USH1C: variants seen among roughly 807,000 people sequenced by gnomAD.
USH1C encodes the protein harmonin.
A neutral mutation model predicts 119.3 loss-of-function variants in USH1C; 90 were observed. That is an observed-to-expected ratio of 0.75 (90% CI 0.64 to 0.90). The LOEUF (loss-of-function observed/expected upper bound fraction) is 0.90. Among genes scored for constraint, USH1C ranks in the 40% least tolerant of loss-of-function variants. The pLI, the probability that USH1C is intolerant of heterozygous loss-of-function variation, is 0.00. For missense variants in USH1C, 1,165 were observed against 1,167.7 expected (o/e 1.00, Z 0.03); for synonymous variants, 465 against 443.3 (o/e 1.05, Z -0.62).
At position 17,531,221 on chromosome 11, in the gene USH1C, T is replaced by G. The variant is rs765184158; in HGVS notation, c.320A>C (p.Glu107Ala). 1.2e-6 allele frequency: 2 copies of G among 1,614,044 alleles called. No homozygotes were observed. Among genetic ancestry groups the G allele is most frequent in the African/African-American group, 2.7e-5 (2 of 74,998 alleles). Residue 107 changes from glutamate to alanine, a missense_variant, in exon 4 of 27, where the codon GAG (glutamate) becomes GCG (alanine). Glu to Ala is a moderately radical substitution (Grantham distance 107, BLOSUM62 -1). Coordinates refer to ENST00000005226, the MANE Select transcript of USH1C (RefSeq NM_153676.4). The surrounding 1 kb of genome is among the most constrained non-coding windows in gnomAD (Gnocchi z 4.2). ...GGAGATGAAGAGCCCACAGCCAAAC[T>G]CCAGGCCACCACGCACACTCAGGCC... ...GLGLSVRGGL[E>A]FGCGLFISHL...
Position 17,509,406 on chromosome 11 carries a change from T to C in USH1C, c.1963A>G (p.Lys655Glu). The C allele has an allele frequency of 6.2e-7, 1 of 1,602,008 alleles. No homozygotes were observed. The highest frequency in any genetic ancestry group is 8.5e-7 in the Non-Finnish European group (1 of 1,171,898). Residue 655 changes from lysine (K) to glutamate (E), a missense_variant, in exon 18 of 27, where the codon AAG becomes GAG. Transcript: ENST00000005226. ...EDWEAKNHSG[K>E]PTNSPVPEQS... ...TCAGGGACAGGGGAGTTAGTGGGCT[T>C]CCCACTGTGGTTCTTTGCCTCCCAG...
intron 17 of USH1C, 60 bp from the exon 18 acceptor site, chr11:17,509,898 T>A (rs978895285): frequency 7.5e-5 from 115 of 1,542,948 alleles, no homozygotes; most frequent in Non-Finnish European, 9.9e-5. Flanking sequence ...CACTTCACAA[T>A]ACAGCGAGCA....
intron 23 of USH1C, among the ~76,000 whole-genome samples, chr11:17,500,620 G>A (rs181999021): frequency 3.7e-4 from 57 of 152,166 alleles, no homozygotes; most frequent in African/African-American, 9.4e-4. Flanking sequence ...TCTCCCCTTC[G>A]CGAGGCTGAC....
chr11:17,507,267 CT>C (rs1284179662), intron 18 of USH1C, among the ~76,000 whole-genome samples: 1 of 152,240 alleles, frequency 6.6e-6, no homozygotes, highest in Non-Finnish European at 1.5e-5. Context: ...AGCCCCCTGG[CT>C]TTTGAGGCTG....
At position 17,517,397 on chromosome 11, in the gene USH1C, G is replaced by A. The variant is rs727504667; in HGVS notation, c.1211-1107C>T. ...AGGCCAGGGAGCAAAGCGGGGACGC[G>A]AACCTGCTCTCCCTGCTCCTCCGTG... On this transcript the variant is annotated intron_variant, in intron 14 of 26. Transcript: ENST00000005226. 3.5e-5 allele frequency: 56 copies of A among 1,577,932 alleles called. No individual in the cohort carries two copies. In the South Asian group the frequency reaches 5.2e-4, roughly 15 times the overall value.
intron 17 of USH1C, among the ~76,000 whole-genome samples, 153 bp from the exon 18 acceptor site, chr11:17,509,991 C>T (rs1000211079): frequency 1.3e-5 from 2 of 152,186 alleles, no homozygotes; most frequent in African/African-American, 4.8e-5. Context: ...TCCTCTGCCA[C>T]CTGGATGCCC....
intron 25 of USH1C, among the ~76,000 whole-genome samples, chr11:17,496,459 A>G (rs1849252533): frequency 1.3e-5 from 2 of 152,216 alleles, no homozygotes; most frequent in Non-Finnish European, 2.9e-5. Flanking sequence ...TGAGTGGGGA[A>G]TTAACAATCC....
At position 17,531,450 on chromosome 11, in the gene USH1C, A is replaced by C. The variant is rs145040342; in HGVS notation, c.197T>G (p.Ile66Ser). 1 of 1,613,938 alleles carries C rather than the reference A, an allele frequency of 6.2e-7. No homozygotes were observed. Among genetic ancestry groups the C allele is most frequent in the African/African-American group, 1.3e-5 (1 of 74,902 alleles). ...ATATTCCACCTGGTGCTTCAGTGGGATCAGCGGCCGAATGGCATCAAACAG... is the reference window on the plus strand; with the variant it reads ...ATATTCCACCTGGTGCTTCAGTGGGCTCAGCGGCCGAATGGCATCAAACAG... ...LPLFDAIRPL[I>S]PLKHQVEYDQ... Residue 66 changes from isoleucine to serine, a missense_variant, in exon 3 of 27, where the codon ATC becomes AGC. Physicochemically the swap from Ile to Ser is moderately radical, Grantham distance 142. Coordinates refer to ENST00000005226, the MANE Select transcript of USH1C (RefSeq NM_153676.4). The surrounding 1 kb of genome is among the most constrained non-coding windows in gnomAD (Gnocchi z 4.2).
At chr11:17,524,370 C>T (rs1850561129) in intron 9 of USH1C, 81 bp downstream of exon 9, 9 of 1,459,386 alleles carry the variant, frequency 6.2e-6, no homozygotes, top group Non-Finnish European at 8.4e-6. Context: ...TGTGGAAAGG[C>T]ACCTGCCCCT....
rs765346539 is a variant in USH1C, at chr11:17,509,562, TG to T, written c.1806del (p.Ile603PhefsTer28). 5.5e-6 allele frequency: 6 copies of T among 1,097,530 alleles called. No individual in the cohort carries two copies. The highest frequency in any genetic ancestry group is 4.3e-5 in the East Asian group (1 of 23,392). The allele number at this position is 1,097,530 out of a possible 1,614,324, so 68.0% of individuals were successfully genotyped here. A position where few individuals can be genotyped will look rare whatever the true frequency, so the allele number is the denominator to read the frequency against. Reference sequence around the variant, plus strand: ...ACGGATGGCGGGGGAGGGATGGGAATGGGGGGTGGAGTGCGCTGCACCCATG... The same window carrying T: ...ACGGATGGCGGGGGAGGGATGGGAATGGGGGTGGAGTGCGCTGCACCCATG... ...SSPWVQRTPP[P>X]IPIPPPPSVP... is the part of the protein sequence containing the mutation. On this transcript the variant is annotated frameshift_variant, in exon 18 of 27. Transcript: ENST00000005226. LOFTEE classifies it high-confidence loss of function.
At chr11:17,538,398 T>A (rs892364855) in intron 1 of USH1C, among the ~76,000 whole-genome samples, 9 of 152,190 alleles carry the variant, frequency 5.9e-5, no homozygotes, top group African/African-American at 2.2e-4. Flanking sequence ...TTCCCCCATA[T>A]GGACTGGCCC....
At chr11:17,499,993 T>C (rs1849376931) in intron 23 of USH1C, among the ~76,000 whole-genome samples, 1 of 152,056 alleles carries the variant, frequency 6.6e-6, no homozygotes, top group Non-Finnish European at 1.5e-5. Flanking sequence ...CACCTACATC[T>C]CCACAAAGGG....
At chr11:17,526,481 T>C (rs370629726) in intron 7 of USH1C, 40 bp from the exon 8 acceptor site, 3 of 1,574,306 alleles carry the variant, frequency 1.9e-6, no homozygotes, top group South Asian at 1.1e-5. Flanking sequence ...AGTGTCCACA[T>C]GCGTGCAAGC....
chr11:17,509,243 T>G, intron 18 of USH1C, 113 bp downstream of exon 18: 16 of 1,395,982 alleles, frequency 1.1e-5, no homozygotes, highest in Non-Finnish European at 1.4e-5. Flanking sequence ...GAAAATGGGG[T>G]GAGATGATGT....
Position 17,501,049 on chromosome 11 carries a change from A to G in USH1C, c.2380+2T>C. ...ACCTGGGTGTGGCTAGTCTCCACTC[A>G]CCATGCCGCTCAGCAGCTCCCCGCT... On this transcript the variant is annotated splice_donor_variant, in intron 23 of 26. Coordinates refer to ENST00000005226, the MANE Select transcript of USH1C (RefSeq NM_153676.4). LOFTEE classifies it high-confidence loss of function. 6.2e-7 allele frequency: 1 copy of G among 1,612,606 alleles called. No homozygotes were observed. Among genetic ancestry groups the G allele is most frequent in the Non-Finnish European group, 8.5e-7 (1 of 1,179,222 alleles).
intron 23 of USH1C, among the ~76,000 whole-genome samples, chr11:17,499,119 A>T (rs1289186097): frequency 6.6e-6 from 1 of 152,200 alleles, no homozygotes; most frequent in East Asian, 1.9e-4. Context: ...GCTTTCCAAG[A>T]GGTAGACAGA....
At chr11:17,530,591 A>G (rs1222837883) in intron 4 of USH1C, among the ~76,000 whole-genome samples, 5 of 152,208 alleles carry the variant, frequency 3.3e-5, no homozygotes, top group Admixed American at 6.5e-5. Context: ...TGCTATAAGC[A>G]CTTTCTACTA....
chr11:17,526,989 T>C (rs543090494), intron 6 of USH1C, 27 bp downstream of exon 6: 3 of 1,562,604 alleles, frequency 1.9e-6, no homozygotes, highest in Admixed American at 1.9e-5. Context: ...CAGGGAAGAG[T>C]TGGCCTGCAG....
chr11:17,524,128 G>A (rs1192691648), intron 9 of USH1C, among the ~76,000 whole-genome samples: 1 of 152,194 alleles, frequency 6.6e-6, no homozygotes, highest in Non-Finnish European at 1.5e-5. Flanking sequence ...GATAATGGTG[G>A]TACTTAACCC....
Sources: allele counts gnomAD v4.1 joint callset (sites outside exome capture counted in the v4.1 genomes callset), GRCh38; gene constraint gnomAD v4.1.1; non-coding constraint Gnocchi (gnomAD v3.1); transcripts MANE v1.5; gene names NCBI Gene and HGNC (gene_info 2026-07-23, HGNC 2026-07-21).